The following USH2A variants were observed in gnomAD, a reference collection of about 807,000 sequenced individuals.
The protein encoded by USH2A is usherin.
In USH2A, 443 loss-of-function variants were observed where a neutral mutation model predicts 538.9. The observed-to-expected ratio is 0.82, with a 90% CI of 0.76 to 0.89. USH2A has a LOEUF of 0.89. Among genes scored for constraint, USH2A ranks in the 40% least tolerant of loss-of-function variants. The probability of loss-of-function intolerance (pLI) is 0.00; values close to 1 mark genes in which losing one functional copy is unlikely to be tolerated. For missense variants in USH2A, 6,633 were observed against 6,324.8 expected (o/e 1.05, Z -1.65); for synonymous variants, 2,413 against 2,273.5 (o/e 1.06, Z -1.75).
intron 61 of USH2A, among the ~76,000 whole-genome samples, chr1:215,685,751 G>C (rs1658405589): frequency 1.3e-5 from 2 of 151,904 alleles, no homozygotes; most frequent in African/African-American, 4.8e-5. Flanking sequence ...TGGTTCACTT[G>C]GCATGAGACT....
At chr1:215,863,899 G>A (rs1017342377) in intron 44 of USH2A, among the ~76,000 whole-genome samples, 2 of 152,200 alleles carry the variant, frequency 1.3e-5, no homozygotes, top group Non-Finnish European at 2.9e-5. Flanking sequence ...TATGATACAA[G>A]ATATGAACAT....
chr1:216,396,977 C>T (rs2039223710), intron 3 of USH2A, among the ~76,000 whole-genome samples: 1 of 152,198 alleles, frequency 6.6e-6, no homozygotes, highest in Non-Finnish European at 1.5e-5. Context: ...AATGTTGACA[C>T]ACTAATGCCA....
chr1:216,008,410 C>A (rs569137914), intron 32 of USH2A, among the ~76,000 whole-genome samples: 1 of 151,900 alleles, frequency 6.6e-6, no homozygotes, highest in Non-Finnish European at 1.5e-5. Context: ...CCTTTACCTA[C>A]CCAAATCCTA....
At chr1:216,032,796 G>C (rs6687538) in intron 32 of USH2A, among the ~76,000 whole-genome samples, 122,013 of 151,998 alleles carry the variant, frequency 0.8, 49,114 homozygotes, top group East Asian at 0.94. Context: ...TGACTGACAG[G>C]CAACATGGAA....
chr1:216,221,929 A>C (rs564558773), intron 14 of USH2A, among the ~76,000 whole-genome samples: 2 of 152,284 alleles, frequency 1.3e-5, no homozygotes, highest in East Asian at 3.9e-4. Flanking sequence ...AATATAAATA[A>C]TATATTTCTA....
rs756699087 is a variant in USH2A at position 215,639,207 on chromosome 1, G to T, written c.15000C>A (p.Asp5000Glu). 1 of 1,614,046 alleles carries T rather than the reference G, an allele frequency of 6.2e-7. No individual in the cohort carries two copies. Among genetic ancestry groups the T allele is most frequent in the Admixed American group, 1.7e-5 (1 of 60,014 alleles). Residue 5000 changes from aspartate to glutamate, a missense_variant, in exon 69 of 72, where the codon GAC becomes GAA. Transcript: ENST00000307340. ...TCAACGGCGTCTTAACACTTCCTTC[G>T]TCAGTCGTGCAGATGACCTGGAAAA... ...TFFFQVICTT[D>E]EGSVKTPLIQ...
chr1:216,083,952 A>G (rs1306961709), intron 25 of USH2A, among the ~76,000 whole-genome samples: 1 of 151,826 alleles, frequency 6.6e-6, no homozygotes, highest in Non-Finnish European at 1.5e-5. Context: ...TGTGTAGATT[A>G]TATTATTAAT....
At chr1:216,327,456 G>GT in intron 5 of USH2A, 135 bp downstream of exon 5, 2 of 1,012,868 alleles carry the variant, frequency 2.0e-6, no homozygotes, top group Non-Finnish European at 3.0e-6. Context: ...AGCAAACACT[G>GT]TAAACATTAA....
Position 216,035,485 on chromosome 1 carries a change from T to C in USH2A, c.6325+10946A>G, listed in dbSNP as rs2029887027. Reference sequence around the variant, plus strand: ...TCAGAAGAAACCAGTCTTGCCAATATCTTGATCTGGGACTCCCTGTCTCTA... The same window carrying C: ...TCAGAAGAAACCAGTCTTGCCAATACCTTGATCTGGGACTCCCTGTCTCTA... On this transcript the variant is annotated intron_variant, in intron 32 of 71. Coordinates refer to ENST00000307340, the MANE Select transcript of USH2A (RefSeq NM_206933.4). 2.0e-5 allele frequency among the ~76,000 whole-genome samples: 3 copies of C among 152,128 alleles called. No homozygotes were observed. The South Asian group carries it at 6.2e-4, about 32-fold the overall frequency.
At position 215,778,944 on chromosome 1, in the gene USH2A, G is replaced by A. The variant is rs1237070980; in HGVS notation, c.10939+899C>T. Among the ~76,000 whole-genome samples the A allele has an allele frequency of 3.3e-5, 5 of 152,182 alleles. 1 individual carries two copies. Among genetic ancestry groups the A allele is most frequent in the South Asian group, 2.1e-4 (1 of 4,836 alleles). ...GTGCACTCAAAGTGCTTAGGACAGCGTCTGGCACATATTAAGTTCCCTTCT... is the reference window on the plus strand; with the variant it reads ...GTGCACTCAAAGTGCTTAGGACAGCATCTGGCACATATTAAGTTCCCTTCT... On this transcript the variant is annotated intron_variant, in intron 55 of 71. Coordinates refer to ENST00000307340, the MANE Select transcript of USH2A (RefSeq NM_206933.4).
intron 26 of USH2A, among the ~76,000 whole-genome samples, chr1:216,080,807 C>T (rs969445644): frequency 6.6e-6 from 1 of 150,932 alleles, no homozygotes; most frequent in Non-Finnish European, 1.5e-5. Context: ...GGTAATTGTT[C>T]ATTTGTTCCC....
At chr1:216,312,834 G>C (rs1055436744) in intron 9 of USH2A, among the ~76,000 whole-genome samples, 4 of 151,956 alleles carry the variant, frequency 2.6e-5, no homozygotes, top group Non-Finnish European at 5.9e-5. Context: ...TTGTTTGTTT[G>C]TTTCTTTGTT....
At chr1:215,973,656 C>CTT (rs750306238) in intron 35 of USH2A, among the ~76,000 whole-genome samples, 3,004 of 130,916 alleles carry the variant, frequency 0.023, 52 homozygotes, top group African/African-American at 0.04. Flanking sequence ...TCTTCTTCTT[C>CTT]TTTTTTTTTT....
chr1:215,640,462 T>C, intron 68 of USH2A, 96 bp downstream of exon 68: 1 of 1,509,378 alleles, frequency 6.6e-7, no homozygotes, highest in Non-Finnish European at 9.2e-7. Context: ...GACATTTTAA[T>C]GGTGAGCATC....
chr1:216,300,330 C>T (rs80142701), intron 9 of USH2A, among the ~76,000 whole-genome samples: 1,999 of 152,204 alleles, frequency 0.013, 39 homozygotes, highest in African/African-American at 0.046. Context: ...AATTATGTTT[C>T]GGTTTCTTCT....
intron 35 of USH2A, among the ~76,000 whole-genome samples, chr1:215,989,693 G>A (rs1214367820): frequency 6.6e-6 from 1 of 152,030 alleles, no homozygotes; most frequent in African/African-American, 2.4e-5. Context: ...TTAAGGTGAA[G>A]ACTGCTGCCC....
At chr1:215,826,383 A>G (rs186255539) in intron 47 of USH2A, among the ~76,000 whole-genome samples, 7 of 152,342 alleles carry the variant, frequency 4.6e-5, no homozygotes, top group Admixed American at 3.9e-4. Flanking sequence ...CCAAGAAAGC[A>G]TCACTTGCCA....
chr1:215,739,423 A>T lies in USH2A; in HGVS notation c.11711+1952T>A, dbSNP rs960433826. On this transcript the variant is annotated intron_variant, in intron 60 of 71. Transcript: ENST00000307340. ...ATAGCTGCCATGGAATAGGCACTGT[A>T]ATCACGAGCTTTATTTACAAAACCA... is the stretch of plus-strand genomic sequence containing the variant. 7.9e-5 allele frequency among the ~76,000 whole-genome samples: 12 copies of T among 152,362 alleles called. No homozygotes were observed. The East Asian group carries it at 1.7e-3, about 22-fold the overall frequency.
chr1:215,821,642 T>A (rs530339145), intron 47 of USH2A, among the ~76,000 whole-genome samples: 1 of 151,988 alleles, frequency 6.6e-6, no homozygotes, highest in Non-Finnish European at 1.5e-5. Flanking sequence ...TGTTTTTGCT[T>A]CTCTTGCCAG....
Sources: allele counts gnomAD v4.1 joint callset (sites outside exome capture counted in the v4.1 genomes callset), GRCh38; gene constraint gnomAD v4.1.1; transcripts MANE v1.5; gene names NCBI Gene and HGNC (gene_info 2026-07-23, HGNC 2026-07-21).